Variants in GLYATL2 observed in about 807,000 individuals in gnomAD.
GLYATL2 encodes glycine N-acyltransferase-like protein 2.
A neutral mutation model predicts 21.4 loss-of-function variants in GLYATL2; 25 were observed. The ratio of observed to expected loss-of-function variants is 1.17; its 90% CI spans 0.85 to 1.63. GLYATL2 has a LOEUF of 1.63. Ranked by LOEUF, GLYATL2 falls within the 40% of genes most tolerant of loss-of-function variation. The pLI is 0.00. For missense variants in GLYATL2, 361 were observed against 343.3 expected (o/e 1.05, Z -0.41); for synonymous variants, 114 against 118.2 (o/e 0.96, Z 0.23).
intron 1 of GLYATL2, among the ~76,000 whole-genome samples, chr11:58,853,348 C>T (rs1039091684): frequency 2.0e-5 from 3 of 152,144 alleles, no homozygotes; most frequent in African/African-American, 7.2e-5. Flanking sequence ...CAACCAAATA[C>T]AGATCAAAAA....
chr11:58,889,051 T>A (rs1280502819), intron 1 of GLYATL2, among the ~76,000 whole-genome samples: 1 of 151,926 alleles, frequency 6.6e-6, no homozygotes, highest in Admixed American at 6.6e-5. Flanking sequence ...GTTTTTGTTC[T>A]ATGCCATCTG....
chr11:58,842,933 C>T (rs748404299), intron 1 of GLYATL2, among the ~76,000 whole-genome samples: 25 of 152,162 alleles, frequency 1.6e-4, no homozygotes, highest in South Asian at 8.3e-4. Context: ...TAAATGTATA[C>T]GCAGTTTCCA....
chr11:58,864,762 G>C (rs1318057385), intron 1 of GLYATL2, among the ~76,000 whole-genome samples: 1 of 149,116 alleles, frequency 6.7e-6, no homozygotes, highest in East Asian at 2.2e-4. Context: ...TGCATAGATA[G>C]TTGTTTAAAT....
intron 1 of GLYATL2, among the ~76,000 whole-genome samples, chr11:58,874,526 C>T (rs1281862445): frequency 6.6e-6 from 1 of 152,204 alleles, no homozygotes; most frequent in Non-Finnish European, 1.5e-5. Context: ...ATCTTTATTT[C>T]TGCCTTCATT....
intron 1 of GLYATL2, among the ~76,000 whole-genome samples, chr11:58,884,427 CAG>C (rs1173319120): frequency 1.3e-5 from 2 of 152,158 alleles, no homozygotes; most frequent in Non-Finnish European, 2.9e-5. Flanking sequence ...AACAGACAAA[CAG>C]AGAGCCAAAT....
intron 1 of GLYATL2, among the ~76,000 whole-genome samples, chr11:58,875,939 G>A (rs1319949667): frequency 6.6e-6 from 1 of 152,150 alleles, no homozygotes; most frequent in Admixed American, 6.5e-5. Flanking sequence ...GTTAGACGTA[G>A]GTTTGGTCTT....
chr11:58,838,872 T>TA (rs1565088161), intron 2 of GLYATL2, among the ~76,000 whole-genome samples: 2 of 152,120 alleles, frequency 1.3e-5, no homozygotes, highest in Non-Finnish European at 2.9e-5. Flanking sequence ...ACTACCTGTC[T>TA]AGGAAGTGAT....
In GLYATL2 at chr11:58,878,426, G is replaced by A. The variant is rs538101282; in HGVS notation, n.60+25730C>T. On this transcript the variant is annotated intron_variant and non_coding_transcript_variant, in intron 1 of 4. Coordinates refer to the GLYATL2 transcript ENST00000533636. Reference sequence around the variant, plus strand: ...TTGGATCTTCACACATTTGTGTTTTGAGCTCTCTGAATTTCCTTGAGCAAA... The same window carrying A: ...TTGGATCTTCACACATTTGTGTTTTAAGCTCTCTGAATTTCCTTGAGCAAA... 8 of 449,862 alleles carry A rather than the reference G, an allele frequency of 1.8e-5. No homozygotes were observed. The South Asian group carries it at 5.0e-4, about 28-fold the overall frequency. 27.9% of individuals were successfully genotyped at this position (449,862 alleles called of 1,614,324 possible). A position where few individuals can be genotyped will look rare whatever the true frequency, so the allele number is the denominator to read the frequency against.
At chr11:58,853,309 A>G (rs1853773349) in intron 1 of GLYATL2, among the ~76,000 whole-genome samples, 1 of 152,220 alleles carries the variant, frequency 6.6e-6, no homozygotes, top group Admixed American at 6.5e-5. Flanking sequence ...AAAACAGTCA[A>G]TCCTCCATAT....
intron 1 of GLYATL2, among the ~76,000 whole-genome samples, chr11:58,866,460 G>C (rs1230821912): frequency 6.7e-6 from 1 of 148,636 alleles, no homozygotes; most frequent in Non-Finnish European, 1.5e-5. Context: ...TGAGTGTCCA[G>C]GTGTGAAGAA....
At chr11:58,893,242 A>G in intron 1 of GLYATL2, 1 of 276,486 alleles carries the variant, frequency 3.6e-6, no homozygotes. Flanking sequence ...TGAAGTAGGA[A>G]TGGCCTACAG....
At chr11:58,858,634 T>C (rs546838488) in intron 1 of GLYATL2, among the ~76,000 whole-genome samples, 4 of 152,330 alleles carry the variant, frequency 2.6e-5, no homozygotes, top group African/African-American at 9.6e-5. Flanking sequence ...AGCTTTTAAA[T>C]TTTGTGTTGA....
At chr11:58,844,985 G>A (rs1176967620), upstream of GLYATL2, among the ~76,000 whole-genome samples, 1 of 152,090 alleles carries the variant, frequency 6.6e-6, no homozygotes, top group Non-Finnish European at 1.5e-5. Context: ...TTGTCCTCTG[G>A]TTGTCTAAAG....
chr11:58,854,419 T>C (rs902399011), intron 1 of GLYATL2, among the ~76,000 whole-genome samples: 4 of 152,238 alleles, frequency 2.6e-5, no homozygotes, highest in African/African-American at 9.6e-5. Flanking sequence ...CACTCTATAC[T>C]GTAGTCTATT....
chr11:58,848,940 TA>T (rs1853690700), upstream of GLYATL2, among the ~76,000 whole-genome samples: 1 of 151,986 alleles, frequency 6.6e-6, no homozygotes, highest in African/African-American at 2.4e-5. Flanking sequence ...GAAAGAAACA[TA>T]AAAGCAGCAA....
At chr11:58,873,480 T>C (rs553714489) in intron 1 of GLYATL2, among the ~76,000 whole-genome samples, 113 of 152,260 alleles carry the variant, frequency 7.4e-4, no homozygotes, top group African/African-American at 2.5e-3. Context: ...ATTTTATTGA[T>C]AGTTTTTAGC....
At chr11:58,860,740 CAT>C (rs1488222425) in intron 1 of GLYATL2, among the ~76,000 whole-genome samples, 1 of 151,988 alleles carries the variant, frequency 6.6e-6, no homozygotes, top group Non-Finnish European at 1.5e-5. Context: ...GTGGGTTTAT[CAT>C]ATATTGTCTT....
chr11:58,868,125 G>C lies in GLYATL2; in HGVS notation n.61-29757C>G, dbSNP rs534762035. On this transcript the variant is annotated intron_variant and non_coding_transcript_variant, in intron 1 of 4. Transcript: ENST00000533636. ...TTCTCCTGGCCAAAGTCCTGATACAGAGTTTGCCAGAAGCATAGGCAGACT... is the reference window on the plus strand; with the variant it reads ...TTCTCCTGGCCAAAGTCCTGATACACAGTTTGCCAGAAGCATAGGCAGACT... Among the ~76,000 whole-genome samples, 186 of 149,038 alleles carry C rather than the reference G, an allele frequency of 1.2e-3. 4 individuals carry two copies. Among genetic ancestry groups the C allele is most frequent in the African/African-American group, 4.2e-3 (174 of 41,392 alleles).
chr11:58,859,137 A>C (rs979647123), intron 1 of GLYATL2, among the ~76,000 whole-genome samples: 1 of 152,132 alleles, frequency 6.6e-6, no homozygotes. Flanking sequence ...CCCAACTGCC[A>C]CTGCCTTTGG....
Sources: allele counts gnomAD v4.1 joint callset (sites outside exome capture counted in the v4.1 genomes callset), GRCh38; gene constraint gnomAD v4.1.1; transcripts MANE v1.5; gene names NCBI Gene and HGNC (gene_info 2026-07-23, HGNC 2026-07-21).